FOXF2: variants seen among roughly 807,000 people sequenced by gnomAD.
FOXF2 encodes forkhead box F2.
Under a neutral mutation model 29.1 loss-of-function variants are expected in FOXF2, and 15 were observed. The observed-to-expected ratio is 0.52, with a 90% CI of 0.35 to 0.79. FOXF2 has a LOEUF of 0.79. Ranked by LOEUF, FOXF2 falls within the 30% of genes least tolerant of loss-of-function variation. FOXF2 has a pLI of 0.01. For missense variants in FOXF2, 675 were observed against 667.1 expected, an observed-to-expected ratio of 1.01 and a Z score of -0.13; for synonymous variants, 337 against 316.5, an observed-to-expected ratio of 1.06 and a Z score of -0.69.
intron 1 of FOXF2, among the ~76,000 whole-genome samples, chr6:1,393,324 G>T (rs1758833158): frequency 6.6e-6 from 1 of 151,916 alleles, no homozygotes; most frequent in Non-Finnish European, 1.5e-5. Flanking sequence ...CTGTCATCCC[G>T]CTCAGCACAT....
At position 1,391,031 on chromosome 6, in the gene FOXF2, G is replaced by A. The variant is rs776165112; in HGVS notation, c.1084G>A (p.Ala362Thr). 6 of 1,599,840 alleles carry A rather than the reference G, an allele frequency of 3.8e-6. No individual in the cohort carries two copies. The African/African-American group carries it at 6.7e-5, about 18-fold the overall frequency. ...TGCCCTGACGCCCAGCAGCAACCCC[G>A]CCGCCTCGGCAGGCCTGCACTCCAG... is the stretch of plus-strand genomic sequence containing the variant. Reference protein sequence around the residue: ...PPALTPSSNPAASAGLHSSMS... With the variant: ...PPALTPSSNPTASAGLHSSMS... Residue 362 changes from alanine (A) to threonine (T), a missense_variant, in exon 1 of 2, where the codon GCC becomes ACC. Around this residue, in one of 3 missense-constraint regions of FOXF2, gnomAD observed 451 missense variants for 437.2 expected, o/e 1.03. Transcript: ENST00000645481.
At position 1,390,672 on chromosome 6, in the gene FOXF2, G is replaced by T. The variant is rs1040644970; in HGVS notation, c.725G>T (p.Gly242Val). The change falls in exon 1 of 2, where the codon GGC becomes GTC. Residue 242 changes from glycine (G) to valine (V), a missense_variant. Around this residue, in one of 3 missense-constraint regions of FOXF2, gnomAD observed 451 missense variants for 437.2 expected, o/e 1.03. Transcript: ENST00000645481. The surrounding 1 kb of genome is among the most constrained non-coding windows in gnomAD (Gnocchi z 8.5). ...SAPLGCHSQGGYGGLDMMPAG... is the reference protein window; with the variant it reads ...SAPLGCHSQGVYGGLDMMPAG... The stretch of plus-strand genomic sequence containing the variant: ...CCGCTCGGCTGCCACAGCCAGGGCG[G>T]CTACGGCGGCCTCGACATGATGCCC... 1.3e-6 allele frequency: 2 copies of T among 1,537,508 alleles called. No homozygotes were observed. Among genetic ancestry groups the T allele is most frequent in the African/African-American group, 1.4e-5 (1 of 70,804 alleles).
At chr6:1,392,208 A>G (rs1274720082) in intron 1 of FOXF2, among the ~76,000 whole-genome samples, 1 of 152,112 alleles carries the variant, frequency 6.6e-6, no homozygotes, top group Admixed American at 6.5e-5. Flanking sequence ...TGGGCAAAAG[A>G]TGTTGGTTCC....
Position 1,390,863 on chromosome 6 carries a change from G to GGCA in FOXF2, c.918_919insAGC (p.Gly306_Asp307insSer). 6.9e-7 allele frequency: 1 copy of GGCA among 1,450,898 alleles called. No individual in the cohort carries two copies. The highest frequency in any genetic ancestry group is 1.4e-5 in the South Asian group (1 of 70,290). The allele number at this position is 1,450,898 out of a possible 1,614,324, so 89.9% of individuals were successfully genotyped here. On this transcript the variant is annotated inframe_insertion, in exon 1 of 2. Transcript: ENST00000645481. The surrounding 1 kb of genome is among the most constrained non-coding windows in gnomAD (Gnocchi z 8.5). ...CGGTGCGGCCGGGGGCGGCGGCGGC[G>GGCA]GCGACTACGGGCCGGACAGCAGCAG...
In FOXF2 at chr6:1,390,742, T is replaced by TCACCACCAC. The variant is rs746854384; in HGVS notation, c.808_816dup (p.His270_His272dup). ...CGGGCGCCCCCAGCCACGCGCACCC[T>TCACCACCAC]CACCACCACCACCACCACCACGTCC... On this transcript the variant is annotated inframe_insertion, in exon 1 of 2. Coordinates refer to ENST00000645481, the MANE Select transcript of FOXF2 (RefSeq NM_001452.2). The surrounding 1 kb of genome is among the most constrained non-coding windows in gnomAD (Gnocchi z 8.5). 2 of 1,418,412 alleles carry TCACCACCAC rather than the reference T, an allele frequency of 1.4e-6. No individual in the cohort carries two copies. Among genetic ancestry groups the TCACCACCAC allele is most frequent in the Admixed American group, 6.6e-5 (2 of 30,420 alleles). 87.9% of individuals were successfully genotyped at this position (1,418,412 alleles called of 1,614,324 possible). A position where few individuals can be genotyped will look rare whatever the true frequency, so the allele number is the denominator to read the frequency against.
At chr6:1,394,142 C>T (rs1758853403) in intron 1 of FOXF2, among the ~76,000 whole-genome samples, 1 of 152,252 alleles carries the variant, frequency 6.6e-6, no homozygotes, top group African/African-American at 2.4e-5. Context: ...CCCATCCCTT[C>T]ATCTTGCGAT....
At position 1,389,676 on chromosome 6, in the gene FOXF2, C is replaced by A; in HGVS notation, c.-272C>A. 6.6e-6 allele frequency: 1 copy of A among 150,664 alleles called. No homozygotes were observed. Among genetic ancestry groups the A allele is most frequent in the South Asian group, 1.9e-4 (1 of 5,346 alleles). The allele number at this position is 150,664 out of a possible 1,614,324, so 9.3% of individuals were successfully genotyped here. A position where few individuals can be genotyped will look rare whatever the true frequency, so the allele number is the denominator to read the frequency against. ...AGTCGCCCGGCGCCGGCCGCTCGGC[C>A]CCGCGGCCTGGGAGGCCGTTGCGCA... is the stretch of plus-strand genomic sequence containing the variant. On this transcript the variant is annotated 5_prime_UTR_variant, in exon 1 of 2. Transcript: ENST00000645481.
intron 1 of FOXF2, among the ~76,000 whole-genome samples, 154 bp from the exon 2 acceptor site, chr6:1,394,542 A>G (rs1037521041): frequency 6.6e-6 from 1 of 152,210 alleles, no homozygotes; most frequent in Non-Finnish European, 1.5e-5. Flanking sequence ...GGTGTGTTTG[A>G]GCTACTTCTA....
In FOXF2 at chr6:1,389,658, C is replaced by A. The variant is rs1227789154; in HGVS notation, c.-290C>A. 6.6e-6 allele frequency: 1 copy of A among 150,406 alleles called. No homozygotes were observed. The highest frequency in any genetic ancestry group is 1.9e-4 in the South Asian group (1 of 5,132). 9.3% of individuals were successfully genotyped at this position (150,406 alleles called of 1,614,324 possible). A position where few individuals can be genotyped will look rare whatever the true frequency, so the allele number is the denominator to read the frequency against. ...GGTCCCACTCGCGGGCGCAGTCGCC[C>A]GGCGCCGGCCGCTCGGCCCCGCGGC... On this transcript the variant is annotated 5_prime_UTR_variant, in exon 1 of 2. Coordinates refer to ENST00000645481, the MANE Select transcript of FOXF2 (RefSeq NM_001452.2).
At position 1,390,577 on chromosome 6, in the gene FOXF2, G is replaced by A. The variant is rs1367890482; in HGVS notation, c.630G>A (p.Val210=). The A allele has an allele frequency of 1.2e-6, 2 of 1,600,930 alleles. No homozygotes were observed. Among genetic ancestry groups the A allele is most frequent in the Non-Finnish European group, 1.7e-6 (2 of 1,176,916 alleles). The change falls in exon 1 of 2, where the codon GTG becomes GTA. Residue 210 remains valine (V), a synonymous_variant. Transcript: ENST00000645481. The surrounding 1 kb of genome is among the most constrained non-coding windows in gnomAD (Gnocchi z 8.5). ...CQALKPMYHR[V]VSGLGFGASL... ...CGCTCAAGCCCATGTACCACCGCGT[G>A]GTGAGCGGCTTGGGCTTCGGGGCGT... is the stretch of plus-strand genomic sequence containing the variant.
chr6:1,392,091 C>T lies in FOXF2; in HGVS notation c.1171+973C>T, dbSNP rs533091846. ...CAAGGCCCCAAGCTACTCTCTCACA[C>T]TGGCCTCCCACAGCAATGAGACAGT... On this transcript the variant is annotated intron_variant, in intron 1 of 1. Transcript: ENST00000645481. Among the ~76,000 whole-genome samples the T allele has an allele frequency of 2.0e-5, 3 of 152,314 alleles. No individual in the cohort carries two copies. In the East Asian group the frequency reaches 5.8e-4, roughly 29 times the overall value.
chr6:1,395,208 G>C lies in FOXF2; in HGVS notation c.*349G>C. The C allele has an allele frequency of 3.2e-6, 1 of 311,842 alleles. No homozygotes were observed. Among genetic ancestry groups the C allele is most frequent in the Non-Finnish European group, 6.1e-6 (1 of 164,234 alleles). 19.3% of individuals were successfully genotyped at this position (311,842 alleles called of 1,614,324 possible). On this transcript the variant is annotated 3_prime_UTR_variant, in exon 2 of 2. Coordinates refer to ENST00000645481, the MANE Select transcript of FOXF2 (RefSeq NM_001452.2). ...TGTGAAAAAAGCAGACAAGTTGTGT[G>C]TGTGTGTGTGTGTCTAAGAAAACTT...
In FOXF2 at chr6:1,394,929, C is replaced by T. The variant is rs921090866; in HGVS notation, c.*70C>T. The T allele has an allele frequency of 4.6e-6, 7 of 1,513,090 alleles. No homozygotes were observed. The highest frequency in any genetic ancestry group is 5.5e-6 in the Non-Finnish European group (6 of 1,090,454). The allele number at this position is 1,513,090 out of a possible 1,614,324, so 93.7% of individuals were successfully genotyped here. A position where few individuals can be genotyped will look rare whatever the true frequency, so the allele number is the denominator to read the frequency against. On this transcript the variant is annotated 3_prime_UTR_variant, in exon 2 of 2. Coordinates refer to ENST00000645481, the MANE Select transcript of FOXF2 (RefSeq NM_001452.2). ...CAGAGGGGGCAGATAGAAACTGGGACGGATTCAAGTCACATGCACGCGGAT... is the reference window on the plus strand; with the variant it reads ...CAGAGGGGGCAGATAGAAACTGGGATGGATTCAAGTCACATGCACGCGGAT...
At chr6:1,391,142 G>C (rs944777755) in intron 1 of FOXF2, 24 bp downstream of exon 1, 1 of 1,598,160 alleles carries the variant, frequency 6.3e-7, no homozygotes, top group Admixed American at 1.7e-5. Context: ...CTCCAGCCCA[G>C]CCAGCTGGGC....
In FOXF2 at chr6:1,390,189, CGGGCGCCGGGAGCGG is replaced by C; in HGVS notation, c.250_264del (p.Gly84_Ala88del). On this transcript the variant is annotated inframe_deletion, in exon 1 of 2. Coordinates refer to ENST00000645481, the MANE Select transcript of FOXF2 (RefSeq NM_001452.2). This position sits in a 1 kb window ranked among gnomAD's most constrained non-coding sequence, Gnocchi z 8.5. ...TGCAAGAGCGCGGGCGGCGGCGGCG[CGGGCGCCGGGAGCGG>C]GGGCGCCAAGAAGGCGAGCTCGGGG... 1 of 1,473,440 alleles carries C rather than the reference CGGGCGCCGGGAGCGG, an allele frequency of 6.8e-7. No individual in the cohort carries two copies. The highest frequency in any genetic ancestry group is 1.5e-5 in the African/African-American group (1 of 67,618). The allele number at this position is 1,473,440 out of a possible 1,614,324, so 91.3% of individuals were successfully genotyped here. A position where few individuals can be genotyped will look rare whatever the true frequency, so the allele number is the denominator to read the frequency against.
Position 1,390,850 on chromosome 6 carries a change from G to GGGCGGGGGC in FOXF2, c.908_909insGGGCGGCGG (p.Gly304_Gly306dup). ...GACCCGGGGGCGTCGGTGCGGCCGG[G>GGGCGGGGGC]GGCGGCGGCGGCGGCGACTACGGGC... On this transcript the variant is annotated inframe_insertion, in exon 1 of 2. Coordinates refer to ENST00000645481, the MANE Select transcript of FOXF2 (RefSeq NM_001452.2). This position sits in a 1 kb window ranked among gnomAD's most constrained non-coding sequence, Gnocchi z 8.5. 7.1e-7 allele frequency: 1 copy of GGGCGGGGGC among 1,418,298 alleles called. No homozygotes were observed. The highest frequency in any genetic ancestry group is 2.9e-5 in the East Asian group (1 of 34,296). The allele number at this position is 1,418,298 out of a possible 1,614,324, so 87.9% of individuals were successfully genotyped here.
intron 1 of FOXF2, among the ~76,000 whole-genome samples, chr6:1,393,664 T>C (rs1758842594): frequency 1.3e-5 from 2 of 152,262 alleles, no homozygotes; most frequent in South Asian, 4.1e-4. Context: ...GTTACGGTTT[T>C]CTTGCACTGA....
chr6:1,391,190 C>T, intron 1 of FOXF2, 72 bp downstream of exon 1: 2 of 1,577,594 alleles, frequency 1.3e-6, no homozygotes, highest in Non-Finnish European at 1.7e-6. Flanking sequence ...CGGCCACTGC[C>T]ACTCCCACAA....
In FOXF2 at chr6:1,394,130, G is replaced by GC. The variant is rs1420403093; in HGVS notation, c.1172-562dup. Among the ~76,000 whole-genome samples the GC allele has an allele frequency of 2.6e-5, 4 of 152,350 alleles. No individual in the cohort carries two copies. The East Asian group carries it at 7.7e-4, about 29-fold the overall frequency. The stretch of plus-strand genomic sequence containing the variant: ...GGCAGGAGAAGAGGCGTGCTTTTCT[G>GC]CCCCATCCCTTCATCTTGCGATTGG... On this transcript the variant is annotated intron_variant, in intron 1 of 1. Transcript: ENST00000645481.
Sources: allele counts gnomAD v4.1 joint callset (sites outside exome capture counted in the v4.1 genomes callset), GRCh38; gene constraint gnomAD v4.1.1; regional missense constraint gnomAD v4.1.1; non-coding constraint Gnocchi (gnomAD v3.1); transcripts MANE v1.5; gene names NCBI Gene and HGNC (gene_info 2026-07-23, HGNC 2026-07-21).